SAMMSON: variants seen among roughly 807,000 people sequenced by gnomAD.
SAMMSON encodes survival associated mitochondrial melanoma specific oncogenic non-coding RNA.
At chr3:70,286,345 G>A (rs528061853) in intron 6 of SAMMSON, among the ~76,000 whole-genome samples, 3,847 of 152,104 alleles carry the variant, frequency 0.025, 78 homozygotes, top group Non-Finnish European at 0.037. Context: ...TTTTTGTCAG[G>A]TTTGTCAAAG....
chr3:70,228,507 C>T (rs1162657046), intron 4 of SAMMSON, among the ~76,000 whole-genome samples: 2 of 151,890 alleles, frequency 1.3e-5, no homozygotes, highest in African/African-American at 2.4e-5. Context: ...AGAAGGACCC[C>T]TGTTATAGTT....
intron 4 of SAMMSON, among the ~76,000 whole-genome samples, chr3:70,226,957 A>G (rs1044373904): frequency 6.6e-6 from 1 of 152,112 alleles, no homozygotes; most frequent in African/African-American, 2.4e-5. Context: ...TAGCCTATAG[A>G]CAATGGAGAG....
At chr3:70,388,862 G>T (rs1340749789) in intron 9 of SAMMSON, among the ~76,000 whole-genome samples, 1 of 152,072 alleles carries the variant, frequency 6.6e-6, no homozygotes, top group Non-Finnish European at 1.5e-5. Context: ...AACCCATGTT[G>T]AAATTTGATC....
intron 7 of SAMMSON, among the ~76,000 whole-genome samples, chr3:70,318,711 A>C (rs1394692968): frequency 6.6e-6 from 1 of 152,058 alleles, no homozygotes; most frequent in Non-Finnish European, 1.5e-5. Context: ...GACATTGTGA[A>C]TGATACATGG....
intron 4 of SAMMSON, among the ~76,000 whole-genome samples, chr3:70,112,960 C>CTA (rs1453359749): frequency 6.6e-6 from 1 of 152,116 alleles, no homozygotes; most frequent in Non-Finnish European, 1.5e-5. Context: ...TGAGTGCTTT[C>CTA]TATGAACAAG....
chr3:70,053,908 A>G (rs1249987811), intron 3 of SAMMSON, among the ~76,000 whole-genome samples: 1 of 152,144 alleles, frequency 6.6e-6, no homozygotes, highest in Non-Finnish European at 1.5e-5. Context: ...AATGCACAAA[A>G]ATACTCTGAG....
At chr3:70,428,983 A>G (rs1175126848) in intron 2 of SAMMSON, among the ~76,000 whole-genome samples, 1 of 152,174 alleles carries the variant, frequency 6.6e-6, no homozygotes, top group Non-Finnish European at 1.5e-5. Flanking sequence ...AATTAAGTCA[A>G]TTTTGGCTTT....
At chr3:70,315,273 C>T (rs1211225104) in intron 7 of SAMMSON, among the ~76,000 whole-genome samples, 1 of 152,082 alleles carries the variant, frequency 6.6e-6, no homozygotes. Context: ...TCTGCTTGGC[C>T]TCTAACTGCC....
intron 6 of SAMMSON, among the ~76,000 whole-genome samples, chr3:70,250,586 G>T (rs1212695910): frequency 6.6e-6 from 1 of 152,096 alleles, no homozygotes; most frequent in Non-Finnish European, 1.5e-5. Flanking sequence ...AATAGTCTCT[G>T]AGCAGCCAGT....
intron 2 of SAMMSON, among the ~76,000 whole-genome samples, chr3:70,421,208 A>C (rs966328819): frequency 6.6e-6 from 1 of 152,158 alleles, no homozygotes; most frequent in Non-Finnish European, 1.5e-5. Flanking sequence ...TATGCTAGCT[A>C]TGCTAGCTGA....
At chr3:70,337,003 A>G (rs1702666672) in intron 7 of SAMMSON, among the ~76,000 whole-genome samples, 1 of 146,328 alleles carries the variant, frequency 6.8e-6, no homozygotes, top group Non-Finnish European at 1.5e-5. Context: ...TAATAATAAT[A>G]TCTAACTTAA....
chr3:70,293,859 A>T (rs756758045), intron 7 of SAMMSON, among the ~76,000 whole-genome samples: 1 of 152,062 alleles, frequency 6.6e-6, no homozygotes, highest in Non-Finnish European at 1.5e-5. Flanking sequence ...TACCACTTTC[A>T]GTTTCATCAC....
rs972277599 is a variant in SAMMSON at position 70,356,512 on chromosome 3, G to C, written n.843-1742G>C. Reference sequence around the variant, plus strand: ...ATTTTCTTGATAACCCTGAGTTCTGGTTACAAGTCCCACCAGTCATTTAAT... The same window carrying C: ...ATTTTCTTGATAACCCTGAGTTCTGCTTACAAGTCCCACCAGTCATTTAAT... On this transcript the variant is annotated intron_variant and non_coding_transcript_variant, in intron 8 of 9. Coordinates refer to ENST00000642114, the Ensembl canonical transcript of SAMMSON. Among the ~76,000 whole-genome samples, 11 of 151,932 alleles carry C rather than the reference G, an allele frequency of 7.2e-5. 1 individual carries two copies. The East Asian group carries it at 2.1e-3, about 29-fold the overall frequency.
chr3:70,041,345 T>C (rs1208213915), intron 3 of SAMMSON, among the ~76,000 whole-genome samples: 1 of 152,152 alleles, frequency 6.6e-6, no homozygotes, highest in Non-Finnish European at 1.5e-5. Context: ...CTAACGTATT[T>C]AGGGAAATCA....
intron 6 of SAMMSON, among the ~76,000 whole-genome samples, chr3:70,290,346 G>A (rs1268691935): frequency 1.3e-5 from 2 of 152,134 alleles, no homozygotes; most frequent in African/African-American, 2.4e-5. Context: ...GCCCCTGTTG[G>A]GGGGTGCCTC....
intron 4 of SAMMSON, among the ~76,000 whole-genome samples, chr3:70,157,666 C>A (rs963962916): frequency 6.6e-6 from 1 of 151,940 alleles, no homozygotes; most frequent in Non-Finnish European, 1.5e-5. Flanking sequence ...TTTGCAAAAG[C>A]CTAGACATAA....
chr3:70,311,906 T>C lies in SAMMSON; in HGVS notation n.739+20663T>C, dbSNP rs1006757993. 6 of 397,770 alleles carry C rather than the reference T, an allele frequency of 1.5e-5. No homozygotes were observed. In the East Asian group the frequency reaches 1.8e-4, roughly 12 times the overall value. The allele number at this position is 397,770 out of a possible 1,614,324, so 24.6% of individuals were successfully genotyped here. On this transcript the variant is annotated intron_variant and non_coding_transcript_variant, in intron 7 of 9. Coordinates refer to ENST00000642114, the Ensembl canonical transcript of SAMMSON. Reference sequence around the variant, plus strand: ...CTTACCTTCTTTCAACCAAGAAATGTTATTTTTATCATTTTCTAAATGCTC... The same window carrying C: ...CTTACCTTCTTTCAACCAAGAAATGCTATTTTTATCATTTTCTAAATGCTC...
chr3:70,002,668 A>G (rs775411587), intron 1 of SAMMSON, among the ~76,000 whole-genome samples: 3 of 152,098 alleles, frequency 2.0e-5, no homozygotes, highest in Non-Finnish European at 4.4e-5. Flanking sequence ...CTGTATATGG[A>G]TTTTCTACTT....
intron 3 of SAMMSON, among the ~76,000 whole-genome samples, chr3:70,066,790 C>T (rs754793128): frequency 6.6e-6 from 1 of 151,952 alleles, no homozygotes; most frequent in African/African-American, 2.4e-5. Flanking sequence ...CAGGTAGGGG[C>T]GGCTTTACCT....
Sources: gnomAD v4.1 joint callset for allele counts (sites outside exome capture counted in the v4.1 genomes callset) on GRCh38, gnomAD v4.1.1 for gene constraint, MANE v1.5 for transcripts, NCBI Gene and HGNC (gene_info 2026-07-23, HGNC 2026-07-21) for gene names.